RIMS2: variants seen among roughly 807,000 people sequenced by gnomAD.
The protein encoded by RIMS2 is regulating synaptic membrane exocytosis 2, also known as regulating synaptic membrane exocytosis protein 2.
A neutral mutation model predicts 174.4 loss-of-function variants in RIMS2; 59 were observed. The observed-to-expected ratio is 0.34, with a 90% CI of 0.27 to 0.42. RIMS2 has a LOEUF of 0.42. Among genes scored for constraint, RIMS2 ranks in the 10% least tolerant of loss-of-function variants. RIMS2 has a pLI of 1.00. For synonymous variants in RIMS2, 606 were observed against 572.5 expected (o/e 1.06, Z -0.84); for missense variants, 1,620 against 1,666.3 (o/e 0.97, Z 0.48).
chr8:103,647,775 T>G (rs2096369543), intron 1 of RIMS2, among the ~76,000 whole-genome samples: 1 of 152,044 alleles, frequency 6.6e-6, no homozygotes, highest in South Asian at 2.1e-4. Context: ...GATATTCTTC[T>G]TATTTCTGAT....
intron 19 of RIMS2, among the ~76,000 whole-genome samples, chr8:104,242,612 T>C (rs1316570684): frequency 6.6e-6 from 1 of 152,236 alleles, no homozygotes; most frequent in Non-Finnish European, 1.5e-5. Flanking sequence ...AGGCCAACTT[T>C]CTTGAACAAT....
intron 19 of RIMS2, among the ~76,000 whole-genome samples, chr8:104,236,969 G>A (rs1238204436): frequency 1.3e-5 from 2 of 152,076 alleles, no homozygotes; most frequent in African/African-American, 2.4e-5. Context: ...GGATGTGGGG[G>A]TGCTAGAATT....
chr8:104,133,920 T>A (rs1410432549), intron 19 of RIMS2, among the ~76,000 whole-genome samples: 1 of 152,122 alleles, frequency 6.6e-6, no homozygotes, highest in Non-Finnish European at 1.5e-5. Context: ...TTGGAACACA[T>A]CAAATTTGTG....
At chr8:104,066,146 G>C (rs2097101987) in intron 19 of RIMS2, among the ~76,000 whole-genome samples, 1 of 152,124 alleles carries the variant, frequency 6.6e-6, no homozygotes, top group African/African-American at 2.4e-5. Context: ...TCCATGCTAT[G>C]GTGGCAGAGT....
intron 1 of RIMS2, among the ~76,000 whole-genome samples, chr8:103,602,529 C>T (rs958221149): frequency 6.6e-6 from 1 of 152,078 alleles, no homozygotes. Flanking sequence ...CATTGTTTAG[C>T]TCCCACTTAC....
At chr8:103,591,284 A>G (rs2094243322) in intron 1 of RIMS2, among the ~76,000 whole-genome samples, 1 of 150,838 alleles carries the variant, frequency 6.6e-6, no homozygotes, top group African/African-American at 2.4e-5. Flanking sequence ...ATAAGTTTTT[A>G]AGTTCTGTTT....
chr8:103,578,537 AAAC>A (rs1212802824), intron 1 of RIMS2, among the ~76,000 whole-genome samples: 4 of 152,108 alleles, frequency 2.6e-5, no homozygotes, highest in East Asian at 3.9e-4. Context: ...TCAAAACAAA[AAAC>A]AAAAAACAAA....
At chr8:103,809,934 A>T (rs2098676171) in intron 3 of RIMS2, among the ~76,000 whole-genome samples, 1 of 152,170 alleles carries the variant, frequency 6.6e-6, no homozygotes, top group African/African-American at 2.4e-5. Flanking sequence ...TCCCTTTTGT[A>T]ACTAAAGCAT....
At chr8:103,732,935 C>T (rs902498354) in intron 2 of RIMS2, among the ~76,000 whole-genome samples, 16 of 152,170 alleles carry the variant, frequency 1.1e-4, no homozygotes, top group African/African-American at 3.4e-4. Flanking sequence ...CACACTGTCA[C>T]TGAGCTGGTA....
chr8:103,572,384 G>T (rs1563829297), intron 1 of RIMS2, among the ~76,000 whole-genome samples: 1 of 151,918 alleles, frequency 6.6e-6, no homozygotes, highest in South Asian at 2.1e-4. Context: ...AGCACTGATT[G>T]GTCCATTTTA....
At chr8:103,865,198 T>C (rs2099078676) in intron 3 of RIMS2, among the ~76,000 whole-genome samples, 1 of 151,528 alleles carries the variant, frequency 6.6e-6, no homozygotes, top group Non-Finnish European at 1.5e-5. Flanking sequence ...TCTCATGAAT[T>C]ATTATAACTT....
At position 103,768,605 on chromosome 8, in the gene RIMS2, C is replaced by T; in HGVS notation, c.698+2068C>T. 2.6e-6 allele frequency: 3 copies of T among 1,169,874 alleles called. No individual in the cohort carries two copies. In the South Asian group the frequency reaches 3.7e-5, roughly 14 times the overall value. 72.5% of individuals were successfully genotyped at this position (1,169,874 alleles called of 1,614,324 possible). A position where few individuals can be genotyped will look rare whatever the true frequency, so the allele number is the denominator to read the frequency against. On this transcript the variant is annotated intron_variant, in intron 3 of 23. Transcript: ENST00000504942. ...CATTGTGGATGCCAATCGGAGTGCT[C>T]TAACTTGGTTATTGTAAAAAAAGGA...
At chr8:103,647,858 T>C (rs970734663) in intron 1 of RIMS2, among the ~76,000 whole-genome samples, 3 of 151,706 alleles carry the variant, frequency 2.0e-5, no homozygotes, top group African/African-American at 7.2e-5. Context: ...TAATTTTTTT[T>C]CCAAAAACCA....
intron 3 of RIMS2, among the ~76,000 whole-genome samples, chr8:103,868,670 G>A (rs2099095194): frequency 6.6e-6 from 1 of 151,764 alleles, no homozygotes; most frequent in African/African-American, 2.4e-5. Flanking sequence ...AAAAAGTTAT[G>A]GTTTTATGTG....
chr8:103,909,461 T>A lies in RIMS2; in HGVS notation c.1625-673T>A, dbSNP rs16870817. Reference sequence around the variant, plus strand: ...TTATAAGAATGTGATTTCTGAAAAATGTGGAAAAATTATTTCAAAATATTA... The same window carrying A: ...TTATAAGAATGTGATTTCTGAAAAAAGTGGAAAAATTATTTCAAAATATTA... On this transcript the variant is annotated intron_variant, in intron 4 of 23. Coordinates refer to ENST00000504942, the Ensembl canonical transcript of RIMS2. Among the ~76,000 whole-genome samples, 1,486 of 152,196 alleles carry A rather than the reference T, an allele frequency of 9.8e-3. 19 individuals carry two copies. The highest frequency in any genetic ancestry group is 0.047 in the East Asian group (242 of 5,178).
intron 19 of RIMS2, among the ~76,000 whole-genome samples, chr8:104,181,067 G>T (rs573093075): frequency 5.3e-5 from 8 of 151,636 alleles, no homozygotes; most frequent in Non-Finnish European, 1.0e-4. Flanking sequence ...AAGTATAGAA[G>T]AAAATGTGAG....
At chr8:103,681,519 G>T (rs1161555096) in intron 1 of RIMS2, among the ~76,000 whole-genome samples, 1 of 151,844 alleles carries the variant, frequency 6.6e-6, no homozygotes, top group Non-Finnish European at 1.5e-5. Context: ...GATACCTAAG[G>T]TTTTAAAAAA....
At chr8:103,744,465 CTTTA>C (rs2097789007) in intron 2 of RIMS2, among the ~76,000 whole-genome samples, 1 of 152,016 alleles carries the variant, frequency 6.6e-6, no homozygotes, top group South Asian at 2.1e-4. Flanking sequence ...AGCTGTATGG[CTTTA>C]TTTTTTTTAA....
chr8:103,895,479 A>G (rs1017582905), intron 4 of RIMS2, among the ~76,000 whole-genome samples: 1 of 151,388 alleles, frequency 6.6e-6, no homozygotes, highest in Non-Finnish European at 1.5e-5. Flanking sequence ...GTTTCTTCTT[A>G]TAAAGGTACT....
Sources: gnomAD v4.1 joint callset for allele counts (sites outside exome capture counted in the v4.1 genomes callset) on GRCh38, gnomAD v4.1.1 for gene constraint, MANE v1.5 for transcripts, NCBI Gene and HGNC (gene_info 2026-07-23, HGNC 2026-07-21) for gene names.